RBPJ: variants seen among roughly 807,000 people sequenced by gnomAD.
RBPJ encodes recombining binding protein suppressor of hairless.
RBPJ carries 9 observed loss-of-function variants against 67.8 expected under a neutral mutation model. That is an observed-to-expected ratio of 0.13 (90% CI 0.08 to 0.23). The LOEUF (loss-of-function observed/expected upper bound fraction) is 0.23, where lower values mean the gene tolerates loss of function less well. Ranked by LOEUF, RBPJ falls within the 10% of genes least tolerant of loss-of-function variation. RBPJ has a pLI of 1.00. For synonymous variants in RBPJ, 198 were observed against 203.3 expected (o/e 0.97, Z 0.22); for missense variants, 305 against 595.6 (o/e 0.51, Z 5.08).
the RBPJ span, among the ~76,000 whole-genome samples, chr4:26,136,756 T>C: frequency 6.6e-6 from 1 of 152,216 alleles, no homozygotes; most frequent in Admixed American, 6.5e-5. Flanking sequence ...GTAAACACTT[T>C]CACATATGAA....
intron 1 of RBPJ, among the ~76,000 whole-genome samples, chr4:26,344,505 G>A (rs548325119): frequency 9.8e-5 from 15 of 152,328 alleles, no homozygotes; most frequent in South Asian, 2.1e-4. Flanking sequence ...AAAGTGCTGG[G>A]ATTACAGGCG....
chr4:26,416,975 A>G (rs1377609817), intron 4 of RBPJ, among the ~76,000 whole-genome samples: 1 of 152,238 alleles, frequency 6.6e-6, no homozygotes, highest in Non-Finnish European at 1.5e-5. Context: ...ATCTTAAACC[A>G]CTAAAACTAT....
the RBPJ span, among the ~76,000 whole-genome samples, chr4:26,122,025 C>T: frequency 6.6e-6 from 1 of 152,048 alleles, no homozygotes; most frequent in Non-Finnish European, 1.5e-5. Context: ...CTCCTATGCA[C>T]ATGATCGGTT....
rs113486886 is a variant in RBPJ at position 26,372,917 on chromosome 4, T to G, written c.21-13436T>G. Among the ~76,000 whole-genome samples, 215 of 152,242 alleles carry G rather than the reference T, an allele frequency of 1.4e-3. 1 individual carries two copies. The South Asian group carries it at 0.019, about 13-fold the overall frequency. ...GCTTGAGTGAGCAGATACTAGCTGG[T>G]GGGCCTGCTCTTTTGGTCCTAGCAA... On this transcript the variant is annotated intron_variant, in intron 1 of 10. Transcript: ENST00000355476.
At chr4:26,124,415 C>CAT in the RBPJ span, among the ~76,000 whole-genome samples, 464 of 62,284 alleles carry the variant, frequency 7.4e-3, 12 homozygotes, top group South Asian at 8.0e-3. Flanking sequence ...AGTATTCCAT[C>CAT]ATATATATAT....
intron 1 of RBPJ, chr4:26,272,776 A>C (rs1203200779): frequency 2.3e-6 from 1 of 442,182 alleles, no homozygotes; most frequent in Admixed American, 2.4e-5. Context: ...GTCTAACACC[A>C]GGAAGGGGGT....
intron 1 of RBPJ, among the ~76,000 whole-genome samples, chr4:26,309,371 T>C (rs1722351598): frequency 6.6e-6 from 1 of 152,204 alleles, no homozygotes; most frequent in African/African-American, 2.4e-5. Context: ...TCTAAGGCAG[T>C]ATTATTAGTC....
intron 1 of RBPJ, among the ~76,000 whole-genome samples, chr4:26,222,385 C>G (rs560092916): frequency 5.6e-4 from 84 of 151,160 alleles, no homozygotes; most frequent in African/African-American, 1.9e-3. Flanking sequence ...ATCCCAGCTA[C>G]TCAGGAGGCT....
At chr4:26,389,490 A>G (rs564273351) in intron 2 of RBPJ, among the ~76,000 whole-genome samples, 2 of 149,742 alleles carry the variant, frequency 1.3e-5, no homozygotes, top group African/African-American at 4.9e-5. Context: ...CGTTTTAGGC[A>G]TATTAAAAAT....
At chr4:26,370,006 G>A (rs1395147591) in intron 1 of RBPJ, among the ~76,000 whole-genome samples, 1 of 152,164 alleles carries the variant, frequency 6.6e-6, no homozygotes, top group Non-Finnish European at 1.5e-5. Flanking sequence ...CAGGTCAAGT[G>A]AGAAGTTATC....
At chr4:26,428,568 G>A (rs1735912313) in intron 7 of RBPJ, 152 bp from the exon 8 acceptor site, 2 of 561,240 alleles carry the variant, frequency 3.6e-6, no homozygotes, top group Admixed American at 3.6e-5. Context: ...TAGTCTTTTT[G>A]TTTGTGAATG....
In RBPJ at chr4:26,264,942, T is replaced by C. The variant is rs932675063; in HGVS notation, c.-166-97504T>C. On this transcript the variant is annotated intron_variant, in intron 1 of 4. Transcript: ENST00000512351. The surrounding 1 kb of genome is among the most constrained non-coding windows in gnomAD (Gnocchi z 4.1). ...GCATACACATTTATTAATGTGCACA[T>C]CACACAGGAGTCCTGCAAATATGAG... Among the ~76,000 whole-genome samples, 2 of 152,130 alleles carry C rather than the reference T, an allele frequency of 1.3e-5. No homozygotes were observed. The highest frequency in any genetic ancestry group is 6.6e-5 in the Admixed American group (1 of 15,266).
the RBPJ span, among the ~76,000 whole-genome samples, chr4:26,151,954 T>A: frequency 1.3e-5 from 2 of 152,204 alleles, no homozygotes; most frequent in African/African-American, 4.8e-5. Context: ...TTGAACTAAA[T>A]AAGGCACAAT....
intron 2 of RBPJ, among the ~76,000 whole-genome samples, chr4:26,405,148 G>A (rs1439707978): frequency 2.6e-5 from 4 of 152,158 alleles, no homozygotes; most frequent in African/African-American, 4.8e-5. Context: ...GTGGTAGGGA[G>A]GTGTTATTAT....
At chr4:26,362,896 T>C (rs1728224588) in intron 1 of RBPJ, among the ~76,000 whole-genome samples, 1 of 152,196 alleles carries the variant, frequency 6.6e-6, no homozygotes, top group African/African-American at 2.4e-5. Flanking sequence ...TGGGCTGTAA[T>C]TTCATTCACC....
Position 26,321,043 on chromosome 4 carries a change from G to A in RBPJ, c.15G>A (p.Val5=). MAPV[V]TGKFGERPPP... Reference sequence around the variant, plus strand: ...GTTTGTGGAAGATGGCGCCTGTTGTGACAGGGTAAGTCTGAGGGAATCGGA... The same window carrying A: ...GTTTGTGGAAGATGGCGCCTGTTGTAACAGGGTAAGTCTGAGGGAATCGGA... The change falls in exon 1 of 11, where the codon GTG becomes GTA. Residue 5 remains valine (V), a synonymous_variant. Coordinates refer to ENST00000355476, the MANE Select transcript of RBPJ (RefSeq NM_015874.6). 2 of 1,611,220 alleles carry A rather than the reference G, an allele frequency of 1.2e-6. No homozygotes were observed. The highest frequency in any genetic ancestry group is 8.5e-7 in the Non-Finnish European group (1 of 1,177,598).
At position 26,189,466 on chromosome 4, in the gene RBPJ, T is replaced by G. The variant is rs574261373; in HGVS notation, c.-167+25852T>G. On this transcript the variant is annotated intron_variant, in intron 1 of 4. Coordinates refer to the RBPJ transcript ENST00000512351. ...TGGGGTCAGGAGTTTGAGACAAGCC[T>G]GGCCAACATGGTAAAACCCTGTCTC... is the stretch of plus-strand genomic sequence containing the variant. Among the ~76,000 whole-genome samples, 4 of 152,218 alleles carry G rather than the reference T, an allele frequency of 2.6e-5. No homozygotes were observed. In the East Asian group the frequency reaches 7.7e-4, roughly 29 times the overall value.
chr4:26,166,538 A>G (rs1252579071), intron 1 of RBPJ, among the ~76,000 whole-genome samples: 4 of 150,634 alleles, frequency 2.7e-5, no homozygotes, highest in Non-Finnish European at 5.9e-5. Context: ...GTCTGTTCAT[A>G]TCCTTTGCCC....
intron 1 of RBPJ, among the ~76,000 whole-genome samples, chr4:26,246,407 AC>A (rs1462261888): frequency 5.3e-5 from 8 of 152,194 alleles, no homozygotes; most frequent in Non-Finnish European, 1.2e-4. Flanking sequence ...GATCCCCATA[AC>A]ATTTAAGAAT....
Sources: gnomAD v4.1 joint callset for allele counts (sites outside exome capture counted in the v4.1 genomes callset) on GRCh38, gnomAD v4.1.1 for gene constraint, Gnocchi (gnomAD v3.1) non-coding constraint, MANE v1.5 for transcripts, NCBI Gene and HGNC (gene_info 2026-07-23, HGNC 2026-07-21) for gene names.